Variants in ELF2 observed in about 807,000 individuals in gnomAD.
ELF2 encodes the protein ETS-related transcription factor Elf-2.
In ELF2, 11 loss-of-function variants were observed where a neutral mutation model predicts 54.8. The ratio of observed to expected loss-of-function variants is 0.20; its 90% CI spans 0.13 to 0.33. The LOEUF is 0.33. ELF2 is among the 10% of genes least tolerant of loss of function. ELF2 has a pLI of 1.00. For missense variants in ELF2, 513 were observed against 703.0 expected (o/e 0.73, Z 3.06); for synonymous variants, 203 against 245.1 (o/e 0.83, Z 1.61).
intron 1 of ELF2, among the ~76,000 whole-genome samples, chr4:139,156,579 C>G (rs959575196): frequency 4.6e-5 from 7 of 152,028 alleles, no homozygotes; most frequent in African/African-American, 1.7e-4. Flanking sequence ...ATCCAATTAA[C>G]ATACATGTTC....
chr4:139,073,112 T>C (rs1560770807), intron 5 of ELF2, among the ~76,000 whole-genome samples: 1 of 151,880 alleles, frequency 6.6e-6, no homozygotes, highest in South Asian at 2.1e-4. Context: ...GGATTGAAAG[T>C]GGTCCTAACA....
intron 1 of ELF2, among the ~76,000 whole-genome samples, chr4:139,175,906 G>A (rs1742860781): frequency 6.6e-6 from 1 of 152,212 alleles, no homozygotes; most frequent in Admixed American, 6.5e-5. Flanking sequence ...CAGGATGCTG[G>A]CAGAGGGAAA....
chr4:139,151,502 T>C (rs1739994774), intron 1 of ELF2, among the ~76,000 whole-genome samples: 1 of 152,212 alleles, frequency 6.6e-6, no homozygotes. Flanking sequence ...TTCTGTTTTA[T>C]ATTAAGGCCC....
At chr4:139,084,411 C>CGGCAGGGGCAGGGGCGGCAGG in intron 4 of ELF2, 6 of 1,374,352 alleles carry the variant, frequency 4.4e-6, no homozygotes, top group African/African-American at 1.5e-5. Flanking sequence ...CACCACCTAA[C>CGGCAGGGGCAGGGGCGGCAGG]GGCAGGGGCA....
chr4:139,151,049 A>AAAGAAAGG (rs1739889005), intron 1 of ELF2, among the ~76,000 whole-genome samples: 1 of 90,414 alleles, frequency 1.1e-5, no homozygotes, highest in African/African-American at 3.3e-5. Flanking sequence ...AGAAAGAAAG[A>AAAGAAAGG]AAGAAAGAAA....
At chr4:139,158,868 G>A (rs548078503) in intron 1 of ELF2, among the ~76,000 whole-genome samples, 84 of 152,216 alleles carry the variant, frequency 5.5e-4, no homozygotes, top group African/African-American at 1.8e-3. Flanking sequence ...TGGAGGCTGA[G>A]CTTGGTGAGG....
At chr4:139,092,614 CAG>C (rs1732793665) in intron 4 of ELF2, among the ~76,000 whole-genome samples, 1 of 151,956 alleles carries the variant, frequency 6.6e-6, no homozygotes, top group Non-Finnish European at 1.5e-5. Context: ...TCCTGGCTAA[CAG>C]GGTGAAACCA....
At position 139,175,005 on chromosome 4, in the gene ELF2, A is replaced by G. The variant is rs540694356; in HGVS notation, c.-252+1962T>C. On this transcript the variant is annotated intron_variant, in intron 1 of 9. Coordinates refer to ENST00000686138, the MANE Select transcript of ELF2 (RefSeq NM_001331036.3). ...TAGAACAAATCCCCAACAGATACCG[A>G]TGGACAATTGTAGTAAAAACCACTG... Among the ~76,000 whole-genome samples the G allele has an allele frequency of 1.2e-3, 176 of 152,352 alleles. 1 individual carries two copies. Among genetic ancestry groups the G allele is most frequent in the African/African-American group, 3.9e-3 (164 of 41,582 alleles).
intron 4 of ELF2, among the ~76,000 whole-genome samples, chr4:139,107,655 A>G (rs1040397505): frequency 6.6e-6 from 1 of 152,206 alleles, no homozygotes; most frequent in Non-Finnish European, 1.5e-5. Flanking sequence ...GGGAATCAAA[A>G]AAAAGCACCT....
intron 4 of ELF2, among the ~76,000 whole-genome samples, chr4:139,082,715 TTTACAGAA>T (rs1457963056): frequency 6.6e-6 from 1 of 152,200 alleles, no homozygotes; most frequent in Non-Finnish European, 1.5e-5. Flanking sequence ...GTTAAGATCT[TTTACAGAA>T]TTACTGTTCC....
chr4:139,147,778 ATTTTTTT>A (rs767408414), intron 1 of ELF2, among the ~76,000 whole-genome samples: 2 of 120,156 alleles, frequency 1.7e-5, no homozygotes, highest in Non-Finnish European at 3.5e-5. Context: ...CCAGCCAGAG[ATTTTTTT>A]TTTTTTTTTT....
chr4:139,087,023 T>C (rs1732053714), intron 4 of ELF2, among the ~76,000 whole-genome samples: 1 of 152,202 alleles, frequency 6.6e-6, no homozygotes, highest in Non-Finnish European at 1.5e-5. Context: ...ACAATAGCAT[T>C]CATTTTGAGG....
At chr4:139,130,082 A>G (rs937503138) in intron 3 of ELF2, among the ~76,000 whole-genome samples, 2 of 152,160 alleles carry the variant, frequency 1.3e-5, no homozygotes, top group African/African-American at 4.8e-5. Flanking sequence ...CAAAAGGGAA[A>G]TTTGGACTCT....
chr4:139,090,297 T>G (rs988049301), intron 4 of ELF2, among the ~76,000 whole-genome samples: 1 of 151,964 alleles, frequency 6.6e-6, no homozygotes, highest in African/African-American at 2.4e-5. Flanking sequence ...TTGGCAGAGT[T>G]ACGATTTTTC....
intron 4 of ELF2, among the ~76,000 whole-genome samples, chr4:139,104,093 A>G (rs993503928): frequency 1.3e-5 from 2 of 151,362 alleles, no homozygotes; most frequent in African/African-American, 4.9e-5. Context: ...AAACCAGGAG[A>G]AAACAGCATA....
chr4:139,078,585 T>C (rs1730643834), intron 4 of ELF2, among the ~76,000 whole-genome samples: 1 of 151,820 alleles, frequency 6.6e-6, no homozygotes, highest in Non-Finnish European at 1.5e-5. Context: ...TTTTTTTTTT[T>C]TTTTTACACT....
chr4:139,082,164 T>C (rs1434088167), intron 4 of ELF2, among the ~76,000 whole-genome samples: 1 of 152,224 alleles, frequency 6.6e-6, no homozygotes, highest in Non-Finnish European at 1.5e-5. Flanking sequence ...CTTTACAGTA[T>C]TTTTCAAAGT....
intron 3 of ELF2, chr4:139,137,329 G>A (rs1013154743): frequency 2.4e-6 from 1 of 410,958 alleles, no homozygotes; most frequent in African/African-American, 2.0e-5. Flanking sequence ...TATAATCCAA[G>A]ACAATGGGTT....
intron 4 of ELF2, among the ~76,000 whole-genome samples, chr4:139,076,452 A>G (rs191147552): frequency 6.6e-6 from 1 of 152,008 alleles, no homozygotes; most frequent in Admixed American, 6.6e-5. Flanking sequence ...AAAAAAAAAA[A>G]CCTTCAATTC....
Sources: allele counts gnomAD v4.1 joint callset (sites outside exome capture counted in the v4.1 genomes callset), GRCh38; gene constraint gnomAD v4.1.1; transcripts MANE v1.5; gene names NCBI Gene and HGNC (gene_info 2026-07-23, HGNC 2026-07-21).